PAPSS1: variants seen among roughly 807,000 people sequenced by gnomAD.
PAPSS1 encodes the protein 3'-phosphoadenosine 5'-phosphosulfate synthase 1.
Under a neutral mutation model 72.0 loss-of-function variants are expected in PAPSS1, and 50 were observed. That is an observed-to-expected ratio of 0.69 (90% CI 0.55 to 0.88). The LOEUF is 0.88. Among genes scored for constraint, PAPSS1 ranks in the 40% least tolerant of loss-of-function variants. The probability of loss-of-function intolerance (pLI) is 0.00; values close to 1 mark genes in which losing one functional copy is unlikely to be tolerated. For missense variants in PAPSS1, 657 were observed against 782.2 expected, an observed-to-expected ratio of 0.84 and a Z score of 1.91; for synonymous variants, 261 against 263.6, an observed-to-expected ratio of 0.99 and a Z score of 0.09.
chr4:107,645,134 C>A (rs1007769021), intron 9 of PAPSS1, 64 bp from the exon 10 acceptor site: 3 of 1,285,086 alleles, frequency 2.3e-6, no homozygotes, highest in Non-Finnish European at 3.0e-6. Flanking sequence ...CCAAAGGATA[C>A]GCAATTTTTC....
intron 3 of PAPSS1, among the ~76,000 whole-genome samples, chr4:107,690,998 C>A (rs779033912): frequency 3.3e-5 from 5 of 152,086 alleles, no homozygotes; most frequent in Admixed American, 2.0e-4. Context: ...GGAACTCTAA[C>A]TCTTATTATG....
At chr4:107,647,380 A>G (rs1407336034) in intron 9 of PAPSS1, among the ~76,000 whole-genome samples, 2 of 152,170 alleles carry the variant, frequency 1.3e-5, no homozygotes. Flanking sequence ...TCATTGATTG[A>G]ACCAATTCCT....
At chr4:107,710,499 G>C (rs949603571) in intron 1 of PAPSS1, among the ~76,000 whole-genome samples, 4 of 126,740 alleles carry the variant, frequency 3.2e-5, no homozygotes, top group Admixed American at 1.8e-4. Flanking sequence ...CTCGGGGTCA[G>C]GTTCCAGCTC....
chr4:107,715,829 T>C (rs1486556437), intron 1 of PAPSS1, among the ~76,000 whole-genome samples: 2 of 152,234 alleles, frequency 1.3e-5, no homozygotes, highest in East Asian at 3.9e-4. Context: ...GTTTTATAAA[T>C]ATATTAACTT....
intron 2 of PAPSS1, among the ~76,000 whole-genome samples, chr4:107,695,399 A>C (rs1232214710): frequency 2.0e-5 from 3 of 152,144 alleles, no homozygotes; most frequent in Admixed American, 2.0e-4. Flanking sequence ...GGCTGAGACT[A>C]TGGGGCTTTC....
At chr4:107,629,946 T>C (rs1218638630) in intron 11 of PAPSS1, among the ~76,000 whole-genome samples, 3 of 152,214 alleles carry the variant, frequency 2.0e-5, no homozygotes, top group Admixed American at 6.5e-5. Flanking sequence ...TTTACAGGAA[T>C]TTCAATGGGA....
chr4:107,715,010 T>C lies in PAPSS1; in HGVS notation c.60+5110A>G, dbSNP rs998422329. Among the ~76,000 whole-genome samples, 6 of 151,752 alleles carry C rather than the reference T, an allele frequency of 4.0e-5. No individual in the cohort carries two copies. The South Asian group carries it at 1.2e-3, about 31-fold the overall frequency. On this transcript the variant is annotated intron_variant, in intron 1 of 11. Transcript: ENST00000265174. ...AACAGAGTAAAAATACCTGAATACA[T>C]AAACACACAGATAAGTAGAAAAAAA...
chr4:107,644,256 T>C (rs188497801), intron 10 of PAPSS1, among the ~76,000 whole-genome samples: 10 of 152,266 alleles, frequency 6.6e-5, no homozygotes, highest in Non-Finnish European at 1.5e-4. Flanking sequence ...CACTCTCACC[T>C]TCCCCTAAGG....
chr4:107,675,824 A>G (rs1229694858), intron 5 of PAPSS1, among the ~76,000 whole-genome samples: 1 of 152,224 alleles, frequency 6.6e-6, no homozygotes, highest in Non-Finnish European at 1.5e-5. Context: ...CACATCAAAA[A>G]GCTTATCCAC....
intron 11 of PAPSS1, among the ~76,000 whole-genome samples, chr4:107,617,795 T>C (rs1461804206): frequency 3.3e-5 from 5 of 152,234 alleles, no homozygotes; most frequent in African/African-American, 9.6e-5. Flanking sequence ...AGTTTATAAA[T>C]GTAGGGAGTA....
intron 1 of PAPSS1, 34 bp from the exon 2 acceptor site, chr4:107,701,319 C>T (rs13110240): frequency 0.58 from 827,585 of 1,430,976 alleles, 245,397 homozygotes; most frequent in Middle Eastern, 0.67. Flanking sequence ...TTCTAGTTTA[C>T]ATGAGTCCTT....
intron 4 of PAPSS1, among the ~76,000 whole-genome samples, chr4:107,684,335 C>A (rs1428418319): frequency 6.6e-6 from 1 of 152,150 alleles, no homozygotes; most frequent in African/African-American, 2.4e-5. Context: ...TCTTTTCCAA[C>A]CTGACTCTGG....
At chr4:107,675,371 G>A (rs1215349002) in intron 5 of PAPSS1, among the ~76,000 whole-genome samples, 1 of 152,150 alleles carries the variant, frequency 6.6e-6, no homozygotes, top group African/African-American at 2.4e-5. Context: ...CGATCCCACA[G>A]AAATACAAAC....
At chr4:107,651,992 T>C (rs947468884) in intron 9 of PAPSS1, among the ~76,000 whole-genome samples, 4 of 152,202 alleles carry the variant, frequency 2.6e-5, no homozygotes, top group African/African-American at 9.6e-5. Flanking sequence ...GAACTCTGAA[T>C]GCCTACCAGG....
intron 5 of PAPSS1, among the ~76,000 whole-genome samples, chr4:107,677,548 G>C (rs1369049928): frequency 6.6e-6 from 1 of 152,136 alleles, no homozygotes; most frequent in Non-Finnish European, 1.5e-5. Flanking sequence ...AGGTGCTGGA[G>C]AGGATGTGGA....
At position 107,616,099 on chromosome 4, in the gene PAPSS1, AGT is replaced by A. The variant is rs1491521117; in HGVS notation, c.1737-1714_1737-1713del. ...AGAAAATAGAGAGAGAGAGAGAGAG[AGT>A]GTGTGTGCACATAAAGAAATATGCC... On this transcript the variant is annotated intron_variant, in intron 11 of 11. Transcript: ENST00000265174. 3.1e-3 allele frequency among the ~76,000 whole-genome samples: 442 copies of A among 142,950 alleles called. 4 individuals carry two copies. Among genetic ancestry groups the A allele is most frequent in the Non-Finnish European group, 5.3e-3 (348 of 65,100 alleles). The allele number at this position is 142,950 out of a possible 152,430, so 93.8% of individuals were successfully genotyped here. A position where few individuals can be genotyped will look rare whatever the true frequency, so the allele number is the denominator to read the frequency against.
At chr4:107,642,346 T>C (rs1434543432) in intron 10 of PAPSS1, among the ~76,000 whole-genome samples, 2 of 152,194 alleles carry the variant, frequency 1.3e-5, no homozygotes, top group African/African-American at 2.4e-5. Flanking sequence ...AGATTTTATC[T>C]CTACCATTTA....
At chr4:107,672,235 A>G (rs1478685623) in intron 5 of PAPSS1, among the ~76,000 whole-genome samples, 2 of 152,160 alleles carry the variant, frequency 1.3e-5, no homozygotes, top group African/African-American at 4.8e-5. Context: ...CAGTGGGTGC[A>G]GCGCACCAAG....
chr4:107,628,881 T>C (rs1212115120), intron 11 of PAPSS1, among the ~76,000 whole-genome samples: 2 of 152,188 alleles, frequency 1.3e-5, no homozygotes, highest in African/African-American at 2.4e-5. Context: ...GACAGGGCTA[T>C]AACCCACAAC....
Sources: gnomAD v4.1 joint callset for allele counts (sites outside exome capture counted in the v4.1 genomes callset) on GRCh38, gnomAD v4.1.1 for gene constraint, MANE v1.5 for transcripts, NCBI Gene and HGNC (gene_info 2026-07-23, HGNC 2026-07-21) for gene names.